The following MPPED1 variants were observed in gnomAD, a reference collection of about 807,000 sequenced individuals.
MPPED1 encodes metallophosphoesterase domain-containing protein 1.
A neutral mutation model predicts 36.2 loss-of-function variants in MPPED1; 16 were observed. The ratio of observed to expected loss-of-function variants is 0.44; its 90% confidence interval spans 0.30 to 0.67. MPPED1 has a LOEUF of 0.67. Among genes scored for constraint, MPPED1 ranks in the 30% least tolerant of loss-of-function variants. MPPED1 has a pLI of 0.10. For missense variants in MPPED1, 307 were observed against 453.4 expected, an observed-to-expected ratio of 0.68 and a Z score of 2.93; for synonymous variants, 199 against 191.3, an observed-to-expected ratio of 1.04 and a Z score of -0.33.
intron 1 of MPPED1, chr22:43,418,428 G>A (rs562814089): frequency 1.6e-5 from 5 of 306,920 alleles, no homozygotes; most frequent in African/African-American, 4.4e-5. Flanking sequence ...CCACCAGAAT[G>A]ATCCAAGCAT....
chr22:43,483,249 C>T (rs1333566425), intron 4 of MPPED1, among the ~76,000 whole-genome samples: 1 of 152,266 alleles, frequency 6.6e-6, no homozygotes. Context: ...CACCTTGCCT[C>T]CCACCAGAAC....
chr22:43,460,151 G>A (rs532979145), intron 3 of MPPED1, among the ~76,000 whole-genome samples: 9 of 151,736 alleles, frequency 5.9e-5, no homozygotes, highest in Admixed American at 5.9e-4. Flanking sequence ...AGGTTGCAGT[G>A]AGCCAAGATT....
intron 4 of MPPED1, among the ~76,000 whole-genome samples, chr22:43,478,266 C>T (rs1395851929): frequency 3.3e-5 from 5 of 152,158 alleles, no homozygotes; most frequent in African/African-American, 1.2e-4. Context: ...GCCTTTTTGG[C>T]CCCCTGAGGA....
intron 4 of MPPED1, among the ~76,000 whole-genome samples, chr22:43,480,208 G>A (rs1019261451): frequency 6.6e-6 from 1 of 152,124 alleles, no homozygotes; most frequent in African/African-American, 2.4e-5. Context: ...TGCAGGGCTC[G>A]GGAGACCCTG....
At chr22:43,503,738 GATA>G (rs1400596949) in intron 6 of MPPED1, among the ~76,000 whole-genome samples, 2 of 152,112 alleles carry the variant, frequency 1.3e-5, no homozygotes, top group African/African-American at 4.8e-5. Flanking sequence ...CGTGCTGTGG[GATA>G]ATAATAATAG....
At chr22:43,412,922 A>C (rs1217136704) in intron 1 of MPPED1, among the ~76,000 whole-genome samples, 2 of 152,170 alleles carry the variant, frequency 1.3e-5, no homozygotes. Context: ...TGTCATTCAG[A>C]GCACTGATGT....
intron 4 of MPPED1, among the ~76,000 whole-genome samples, chr22:43,495,261 TGGAG>T (rs1932227488): frequency 7.3e-6 from 1 of 137,500 alleles, no homozygotes; most frequent in Non-Finnish European, 1.6e-5. Flanking sequence ...GAGGTGGTGA[TGGAG>T]GTGGTGGTGG....
intron 3 of MPPED1, among the ~76,000 whole-genome samples, chr22:43,472,462 G>A (rs1461169508): frequency 6.6e-6 from 1 of 152,222 alleles, no homozygotes; most frequent in African/African-American, 2.4e-5. Flanking sequence ...GGGAAGCTAA[G>A]TCGTACAGCG....
chr22:43,486,621 A>G (rs943611815), intron 4 of MPPED1, among the ~76,000 whole-genome samples: 10 of 152,136 alleles, frequency 6.6e-5, no homozygotes, highest in Admixed American at 6.5e-4. Flanking sequence ...GGCTGCTGGC[A>G]GGTCCTGTAA....
intron 3 of MPPED1, among the ~76,000 whole-genome samples, chr22:43,459,185 G>A (rs1930858862): frequency 6.6e-6 from 1 of 151,906 alleles, no homozygotes; most frequent in Non-Finnish European, 1.5e-5. Context: ...AGCAATTCTT[G>A]TGTCTCAGCC....
intron 4 of MPPED1, among the ~76,000 whole-genome samples, chr22:43,483,585 C>T (rs1177234455): frequency 6.6e-6 from 1 of 152,090 alleles, no homozygotes; most frequent in African/African-American, 2.4e-5. Context: ...TTTGCCCTTT[C>T]TCTTAAGAAC....
chr22:43,495,669 TGGTGGTGGTGGAG>T (rs1932285693), intron 4 of MPPED1, among the ~76,000 whole-genome samples: 1 of 64,696 alleles, frequency 1.5e-5, no homozygotes, highest in Non-Finnish European at 2.9e-5. Context: ...GTGGTGGAGG[TGGTGGTGGTGGAG>T]ATGGTGGTGG....
intron 5 of MPPED1, 72 bp downstream of exon 5, chr22:43,498,422 G>A: frequency 7.9e-7 from 1 of 1,265,098 alleles, no homozygotes; most frequent in Non-Finnish European, 1.1e-6. Flanking sequence ...ATGGGGGGCT[G>A]GCTGGGCCTG....
At chr22:43,434,003 A>G (rs75908623) in intron 2 of MPPED1, among the ~76,000 whole-genome samples, 46 of 152,296 alleles carry the variant, frequency 3.0e-4, no homozygotes, top group Middle Eastern at 3.4e-3. Context: ...CTGGGGTCTT[A>G]GCCCACGGGG....
At chr22:43,500,206 A>G (rs990715321) in intron 5 of MPPED1, among the ~76,000 whole-genome samples, 10 of 18,782 alleles carry the variant, frequency 5.3e-4, no homozygotes, top group Admixed American at 1.9e-3. Flanking sequence ...GTGGTAATGG[A>G]GGTGGTGGGG....
chr22:43,452,867 A>T (rs1930620025), intron 3 of MPPED1, among the ~76,000 whole-genome samples: 1 of 151,918 alleles, frequency 6.6e-6, no homozygotes, highest in South Asian at 2.1e-4. Context: ...GGGCTCAAGC[A>T]GTCCTCCTTT....
At chr22:43,455,707 C>G (rs1267631843) in intron 3 of MPPED1, among the ~76,000 whole-genome samples, 1 of 152,202 alleles carries the variant, frequency 6.6e-6, no homozygotes, top group Non-Finnish European at 1.5e-5. Flanking sequence ...CATAACTACT[C>G]AGTGTAATTT....
intron 1 of MPPED1, among the ~76,000 whole-genome samples, chr22:43,415,862 G>A (rs1929061412): frequency 6.6e-6 from 1 of 152,180 alleles, no homozygotes; most frequent in Admixed American, 6.5e-5. Context: ...AAGGATGTGA[G>A]GCTCAGCGTT....
chr22:43,415,810 T>A (rs1929059645), intron 1 of MPPED1, among the ~76,000 whole-genome samples: 1 of 152,214 alleles, frequency 6.6e-6, no homozygotes, highest in Admixed American at 6.5e-5. Flanking sequence ...AAATGTGACT[T>A]GTCTGTTGCC....
Sources: allele counts gnomAD v4.1 joint callset (sites outside exome capture counted in the v4.1 genomes callset), GRCh38; gene constraint gnomAD v4.1.1; transcripts MANE v1.5; gene names NCBI Gene and HGNC (gene_info 2026-07-23, HGNC 2026-07-21).